The following HDLBP variants were observed in gnomAD, a reference collection of about 807,000 sequenced individuals.
The protein encoded by HDLBP is high density lipoprotein binding protein, also known as vigilin.
In HDLBP, 30 loss-of-function variants were observed where a neutral mutation model predicts 137.3. That is an observed-to-expected ratio of 0.22 (90% CI 0.16 to 0.30). HDLBP has a LOEUF of 0.30. Ranked by LOEUF, HDLBP falls within the 10% of genes least tolerant of loss-of-function variation. The pLI, the probability that HDLBP is intolerant of heterozygous loss-of-function variation, is 1.00. For missense variants in HDLBP, 1,119 were observed against 1,667.3 expected (o/e 0.67, Z 5.73); for synonymous variants, 606 against 596.0 (o/e 1.02, Z -0.24).
chr2:241,259,800 C>T (rs1210959477), intron 5 of HDLBP, among the ~76,000 whole-genome samples: 1 of 151,894 alleles, frequency 6.6e-6, no homozygotes, highest in Admixed American at 6.6e-5. Context: ...TACAATTATC[C>T]TAGCTCTGTC....
rs1264879849 is a variant in HDLBP at position 241,272,353 on chromosome 2, T to C, written c.-102-3812A>G. 1 of 982,584 alleles carries C rather than the reference T, an allele frequency of 1.0e-6. No individual in the cohort carries two copies. The highest frequency in any genetic ancestry group is 1.8e-5 in the African/African-American group (1 of 56,684). 60.9% of individuals were successfully genotyped at this position (982,584 alleles called of 1,614,324 possible). A position where few individuals can be genotyped will look rare whatever the true frequency, so the allele number is the denominator to read the frequency against. On this transcript the variant is annotated intron_variant, in intron 1 of 27. Coordinates refer to ENST00000310931, the MANE Select transcript of HDLBP (RefSeq NM_005336.6). The surrounding 1 kb of genome is among the most constrained non-coding windows in gnomAD (Gnocchi z 5.6). ...GAGGGGAGGGCCGGCCCCGCCAACG[T>C]CAGCGACCTGGGCTCAGGTCGGCCG...
rs1203950389 is a variant in HDLBP at position 241,227,888 on chromosome 2, C to CT, written c.*1712dup. 3.9e-5 allele frequency: 6 copies of CT among 152,214 alleles called. No individual in the cohort carries two copies. Among genetic ancestry groups the CT allele is most frequent in the African/African-American group, 1.4e-4 (6 of 41,442 alleles). The allele number at this position is 152,214 out of a possible 1,614,324, so 9.4% of individuals were successfully genotyped here. On this transcript the variant is annotated 3_prime_UTR_variant, in exon 28 of 28. Transcript: ENST00000310931. ...CGGGAAAGGCAGGAAAAGGGCCTTG[C>CT]TTTCTTTCCCTGTTTCCTAAGCCGT...
At position 241,268,403 on chromosome 2, in the gene HDLBP, A is replaced by T. The variant is rs1369836517; in HGVS notation, c.-38+74T>A. ...AAAGAAGGTACACACAGGACTAAGA[A>T]AATACGCATCCCTGCGCCCCCAGGT... On this transcript the variant is annotated intron_variant, in intron 2 of 27. Coordinates refer to ENST00000310931, the MANE Select transcript of HDLBP (RefSeq NM_005336.6). 4 of 928,076 alleles carry T rather than the reference A, an allele frequency of 4.3e-6. No homozygotes were observed. In the African/African-American group the frequency reaches 7.2e-5, roughly 17 times the overall value. The allele number at this position is 928,076 out of a possible 1,614,324, so 57.5% of individuals were successfully genotyped here. A position where few individuals can be genotyped will look rare whatever the true frequency, so the allele number is the denominator to read the frequency against.
At position 241,235,163 on chromosome 2, in the gene HDLBP, C is replaced by G; in HGVS notation, c.3102G>C (p.Leu1034=). The change falls in exon 23 of 28, where the codon CTG becomes CTC. Residue 1034 remains leucine, a synonymous_variant. Coordinates refer to ENST00000310931, the MANE Select transcript of HDLBP (RefSeq NM_005336.6). ...CCTGTAGCTCCTTCACACGCTCCAG[C>G]AGTCCAGCCTTGGCCCGGTCCAAAT... ...AANLDRAKAG[L]LERVKELQAE... 1 of 1,614,136 alleles carries G rather than the reference C, an allele frequency of 6.2e-7. No individual in the cohort carries two copies. The highest frequency in any genetic ancestry group is 2.2e-5 in the East Asian group (1 of 44,888).
intron 11 of HDLBP, 84 bp downstream of exon 11, chr2:241,252,873 C>T (rs946471849): frequency 1.2e-5 from 11 of 886,258 alleles, no homozygotes; most frequent in Admixed American, 3.5e-5. Context: ...ACTGTCTGCA[C>T]GGACGTCACA....
intron 5 of HDLBP, 23 bp downstream of exon 5, chr2:241,262,688 G>A: frequency 6.4e-7 from 1 of 1,569,848 alleles, no homozygotes; most frequent in South Asian, 1.1e-5. Context: ...TCACTGGGGA[G>A]AAGTAGGCCT....
intron 3 of HDLBP, among the ~76,000 whole-genome samples, chr2:241,266,342 A>C (rs911509463): frequency 1.3e-5 from 2 of 152,310 alleles, no homozygotes; most frequent in Middle Eastern, 6.8e-3. Flanking sequence ...TAAAAATTGT[A>C]CACGTGGCTT....
At chr2:241,236,298 G>A in intron 21 of HDLBP, 1 of 370,036 alleles carries the variant, frequency 2.7e-6, no homozygotes, top group Non-Finnish European at 5.0e-6. Flanking sequence ...CGTTGCAACT[G>A]GAGGTCACAT....
At chr2:241,309,288 C>G (rs1404688932) in intron 1 of HDLBP, among the ~76,000 whole-genome samples, 1 of 151,906 alleles carries the variant, frequency 6.6e-6, no homozygotes, top group Non-Finnish European at 1.5e-5. Context: ...CGTGAAAGTG[C>G]AGGAGAACAC....
chr2:241,246,522 C>T (rs1476384272), intron 16 of HDLBP: 7 of 468,726 alleles, frequency 1.5e-5, no homozygotes, highest in African/African-American at 2.0e-5. Context: ...TCTAATAAGA[C>T]AAGTGCCCAC....
At chr2:241,298,583 A>G (rs1015605820) in intron 1 of HDLBP, among the ~76,000 whole-genome samples, 2 of 152,180 alleles carry the variant, frequency 1.3e-5, no homozygotes, top group Admixed American at 1.3e-4. Flanking sequence ...GATAACTGAA[A>G]GTTTGATTTT....
chr2:241,257,412 T>C (rs901069667), intron 5 of HDLBP, among the ~76,000 whole-genome samples: 1 of 152,160 alleles, frequency 6.6e-6, no homozygotes, highest in Non-Finnish European at 1.5e-5. Context: ...TTTATATTTT[T>C]AGTAGAGGCA....
At chr2:241,250,278 C>T (rs184433436) in intron 11 of HDLBP, 38 of 256,770 alleles carry the variant, frequency 1.5e-4, no homozygotes, top group African/African-American at 6.8e-4. Context: ...GGATTTAGCT[C>T]GTCTGGGGTA....
rs1158661780 is a variant in HDLBP at position 241,233,811 on chromosome 2, G to C, written c.3288+9C>G. On this transcript the variant is annotated intron_variant, in intron 24 of 27. Coordinates refer to ENST00000310931, the MANE Select transcript of HDLBP (RefSeq NM_005336.6). This position sits in a 1 kb window ranked among gnomAD's most constrained non-coding sequence, Gnocchi z 4.3. Reference sequence around the variant, plus strand: ...TCTGCCCCCGACACGCTCCAACCGAGGCTCTCACCTGGTTCCCATCGTCCT... The same window carrying C: ...TCTGCCCCCGACACGCTCCAACCGACGCTCTCACCTGGTTCCCATCGTCCT... The C allele has an allele frequency of 6.2e-7, 1 of 1,614,060 alleles. No individual in the cohort carries two copies. Among genetic ancestry groups the C allele is most frequent in the Non-Finnish European group, 8.5e-7 (1 of 1,180,022 alleles).
At chr2:241,293,674 C>CT (rs2075079125) in intron 1 of HDLBP, among the ~76,000 whole-genome samples, 1 of 151,432 alleles carries the variant, frequency 6.6e-6, no homozygotes. Context: ...AATCCCAGCA[C>CT]TTTGAGAGGC....
chr2:241,315,133 G>C (rs565771146), intron 1 of HDLBP: 1 of 152,164 alleles, frequency 6.6e-6, no homozygotes, highest in African/African-American at 2.4e-5. Flanking sequence ...AGAAAGCTAG[G>C]GGCCGCGCCA....
chr2:241,251,570 C>T (rs532313657), intron 11 of HDLBP, among the ~76,000 whole-genome samples: 9 of 152,346 alleles, frequency 5.9e-5, no homozygotes, highest in African/African-American at 2.2e-4. Context: ...GAATGGAGGA[C>T]GTGCTTGCCT....
chr2:241,263,028 G>A, intron 4 of HDLBP, 102 bp from the exon 5 acceptor site: 1 of 851,588 alleles, frequency 1.2e-6, no homozygotes, highest in Non-Finnish European at 1.9e-6. Context: ...TCACAAAGCA[G>A]CCCCACCCTG....
chr2:241,310,227 G>A (rs1281548590), intron 1 of HDLBP, among the ~76,000 whole-genome samples: 1 of 152,142 alleles, frequency 6.6e-6, no homozygotes, highest in Non-Finnish European at 1.5e-5. Context: ...TCTTAGAAAT[G>A]AGAAAAACCT....
Sources: allele counts gnomAD v4.1 joint callset (sites outside exome capture counted in the v4.1 genomes callset), GRCh38; gene constraint gnomAD v4.1.1; non-coding constraint Gnocchi (gnomAD v3.1); transcripts MANE v1.5; gene names NCBI Gene and HGNC (gene_info 2026-07-23, HGNC 2026-07-21).